The following SLC25A26 variants were observed in gnomAD, a reference collection of about 807,000 sequenced individuals.
SLC25A26 encodes mitochondrial S-adenosylmethionine carrier protein.
SLC25A26 carries 36 observed loss-of-function variants against 37.8 expected under a neutral mutation model. The observed-to-expected ratio is 0.95, with a 90% CI of 0.73 to 1.26. The LOEUF is 1.26. SLC25A26 is among the 50% of genes most tolerant of loss of function. The pLI is 0.00. For synonymous variants in SLC25A26, 129 were observed against 122.5 expected, an observed-to-expected ratio of 1.05 and a Z score of -0.35; for missense variants, 390 against 331.1, an observed-to-expected ratio of 1.18 and a Z score of -1.38.
At chr3:66,189,851 G>T (rs986700476) in intron 1 of SLC25A26, among the ~76,000 whole-genome samples, 2 of 151,890 alleles carry the variant, frequency 1.3e-5, no homozygotes, top group African/African-American at 4.8e-5. Context: ...TTTAAATAGA[G>T]ACAAGGTCTT....
chr3:66,281,288 G>A lies in SLC25A26; in HGVS notation c.453+17909G>A, dbSNP rs371699584. ...TTAATGGTTTGATTAAGTTGTTTTCGTTTGTTATACACTAAAGGTTCAATT... is the reference window on the plus strand; with the variant it reads ...TTAATGGTTTGATTAAGTTGTTTTCATTTGTTATACACTAAAGGTTCAATT... On this transcript the variant is annotated intron_variant, in intron 5 of 9. Coordinates refer to ENST00000354883, the MANE Select transcript of SLC25A26 (RefSeq NM_001379210.1). 2.2e-4 allele frequency among the ~76,000 whole-genome samples: 33 copies of A among 152,184 alleles called. No homozygotes were observed. In the South Asian group the frequency reaches 5.6e-3, roughly 26 times the overall value.
At chr3:66,254,403 G>A (rs1459776837) in intron 3 of SLC25A26, among the ~76,000 whole-genome samples, 2 of 152,212 alleles carry the variant, frequency 1.3e-5, no homozygotes, top group Non-Finnish European at 2.9e-5. Flanking sequence ...AATCTTCATA[G>A]TTTCCAGGGG....
intron 9 of SLC25A26, among the ~76,000 whole-genome samples, chr3:66,377,020 A>G (rs1270382998): frequency 3.9e-5 from 6 of 152,218 alleles, no homozygotes; most frequent in Non-Finnish European, 8.8e-5. Context: ...CAATGCCACA[A>G]TGAAAATTTT....
chr3:66,343,035 A>G (rs1392472148), intron 5 of SLC25A26, among the ~76,000 whole-genome samples: 14 of 152,176 alleles, frequency 9.2e-5, no homozygotes. Flanking sequence ...CATCTATAAA[A>G]CATTTTAGAA....
intron 1 of SLC25A26, among the ~76,000 whole-genome samples, chr3:66,226,527 G>T (rs944202712): frequency 6.6e-6 from 1 of 152,052 alleles, no homozygotes; most frequent in African/African-American, 2.4e-5. Context: ...AGGCTGGAGT[G>T]CAGTGGTGCT....
intron 1 of SLC25A26, among the ~76,000 whole-genome samples, chr3:66,212,542 C>G (rs1318083429): frequency 6.6e-6 from 1 of 152,202 alleles, no homozygotes; most frequent in Non-Finnish European, 1.5e-5. Flanking sequence ...GCATCACCCA[C>G]TGGGAATCTT....
intron 7 of SLC25A26, among the ~76,000 whole-genome samples, chr3:66,369,063 C>CTTTTTTTTTTTTTTTTTTTTTTTTG (rs1700199456): frequency 4.3e-5 from 1 of 23,464 alleles, no homozygotes; most frequent in Non-Finnish European, 7.9e-5. Context: ...AAAAAAAAAA[C>CTTTTTTTTTTTTTTTTTTTTTTTTG]AAAAGACAGT....
At chr3:66,374,606 C>T (rs577287790) in intron 9 of SLC25A26, among the ~76,000 whole-genome samples, 6 of 152,316 alleles carry the variant, frequency 3.9e-5, no homozygotes, top group East Asian at 1.9e-4. Flanking sequence ...AAACTCGGGC[C>T]GGGCATGGTG....
At chr3:66,287,595 T>A (rs1203328814) in intron 5 of SLC25A26, among the ~76,000 whole-genome samples, 1 of 152,236 alleles carries the variant, frequency 6.6e-6, no homozygotes. Context: ...CATTAGTTTT[T>A]AAAATTCTTG....
At chr3:66,363,741 A>C (rs1245014584) in intron 7 of SLC25A26, among the ~76,000 whole-genome samples, 1 of 152,178 alleles carries the variant, frequency 6.6e-6, no homozygotes, top group Non-Finnish European at 1.5e-5. Context: ...GAAAATAATT[A>C]TTTTGCAATT....
intron 1 of SLC25A26, among the ~76,000 whole-genome samples, chr3:66,148,239 C>T (rs970020779): frequency 6.6e-6 from 1 of 152,074 alleles, no homozygotes; most frequent in African/African-American, 2.4e-5. Flanking sequence ...TTGATGGGGA[C>T]ACTCAAGATT....
chr3:66,238,373 T>TTTATTA (rs528899172), intron 2 of SLC25A26, among the ~76,000 whole-genome samples: 1 of 151,988 alleles, frequency 6.6e-6, no homozygotes, highest in Admixed American at 6.6e-5. Context: ...GTTTATGTGT[T>TTTATTA]TTATTATTAT....
At chr3:66,270,663 G>A (rs930558844) in intron 5 of SLC25A26, among the ~76,000 whole-genome samples, 3 of 152,150 alleles carry the variant, frequency 2.0e-5, no homozygotes, top group African/African-American at 4.8e-5. Context: ...CCGTAGAGAT[G>A]TTCTATGAAG....
chr3:66,298,645 A>G (rs1436762493), intron 5 of SLC25A26, among the ~76,000 whole-genome samples: 1 of 152,216 alleles, frequency 6.6e-6, no homozygotes, highest in East Asian at 1.9e-4. Context: ...TTTAAGTGAC[A>G]TCAGTGTTGA....
chr3:66,186,738 C>T (rs2070836044), intron 1 of SLC25A26, among the ~76,000 whole-genome samples: 1 of 151,858 alleles, frequency 6.6e-6, no homozygotes, highest in Admixed American at 6.6e-5. Context: ...TCATGACTCT[C>T]ACTCTTACCC....
intron 6 of SLC25A26, among the ~76,000 whole-genome samples, chr3:66,357,041 T>C (rs2076592804): frequency 6.6e-6 from 1 of 152,242 alleles, no homozygotes; most frequent in African/African-American, 2.4e-5. Flanking sequence ...AAGCTTTACT[T>C]AAGAAAAATT....
intron 5 of SLC25A26, among the ~76,000 whole-genome samples, chr3:66,338,171 G>A (rs2076132862): frequency 6.6e-6 from 1 of 151,926 alleles, no homozygotes; most frequent in South Asian, 2.1e-4. Flanking sequence ...TTACAGCAAT[G>A]TATCAATAAT....
At chr3:66,267,765 C>G (rs2073810613) in intron 5 of SLC25A26, among the ~76,000 whole-genome samples, 1 of 152,166 alleles carries the variant, frequency 6.6e-6, no homozygotes. Flanking sequence ...ATTGAAGCCC[C>G]CAGTCTTTAG....
At chr3:66,185,921 C>A (rs2070817805) in intron 1 of SLC25A26, among the ~76,000 whole-genome samples, 1 of 152,048 alleles carries the variant, frequency 6.6e-6, no homozygotes, top group South Asian at 2.1e-4. Context: ...ACCCTTACCT[C>A]ACCATGATTT....
Sources: allele counts gnomAD v4.1 joint callset (sites outside exome capture counted in the v4.1 genomes callset), GRCh38; gene constraint gnomAD v4.1.1; transcripts MANE v1.5; gene names NCBI Gene and HGNC (gene_info 2026-07-23, HGNC 2026-07-21).